The following KCNH5 variants were observed in gnomAD, a reference collection of about 807,000 sequenced individuals.
KCNH5 encodes potassium voltage-gated channel subfamily H member 5.
A neutral mutation model predicts 96.1 loss-of-function variants in KCNH5; 46 were observed. That is an observed-to-expected ratio of 0.48 (90% CI 0.38 to 0.61). KCNH5 has a LOEUF of 0.61. KCNH5 is among the 20% of genes least tolerant of loss of function. KCNH5 has a pLI of 0.00. For synonymous variants in KCNH5, 439 were observed against 449.8 expected (o/e 0.98, Z 0.30); for missense variants, 907 against 1,225.8 (o/e 0.74, Z 3.88).
chr14:62,731,723 A>T (rs1280070391), intron 10 of KCNH5, among the ~76,000 whole-genome samples: 1 of 152,222 alleles, frequency 6.6e-6, no homozygotes, highest in Non-Finnish European at 1.5e-5. Flanking sequence ...TTGCAAATAT[A>T]TTTTTTAAAA....
intron 10 of KCNH5, among the ~76,000 whole-genome samples, chr14:62,731,320 A>C (rs988711586): frequency 9.9e-5 from 15 of 151,610 alleles, no homozygotes; most frequent in African/African-American, 3.4e-4. Context: ...AATAATAATA[A>C]ATTAAAAAAT....
intron 7 of KCNH5, among the ~76,000 whole-genome samples, chr14:62,882,164 A>G (rs565416327): frequency 6.7e-6 from 1 of 149,240 alleles, no homozygotes; most frequent in South Asian, 2.1e-4. Context: ...AGTCTCAGCT[A>G]CTTGGGAAGC....
intron 7 of KCNH5, among the ~76,000 whole-genome samples, chr14:62,902,225 C>CT (rs1888941763): frequency 6.6e-6 from 1 of 151,700 alleles, no homozygotes; most frequent in African/African-American, 2.4e-5. Context: ...CATTAGTTCC[C>CT]ATGTGTCAAT....
At chr14:62,739,415 T>A (rs1595601094) in intron 10 of KCNH5, among the ~76,000 whole-genome samples, 1 of 152,290 alleles carries the variant, frequency 6.6e-6, no homozygotes, top group East Asian at 1.9e-4. Flanking sequence ...CAACCTACAG[T>A]CAAAATGACT....
intron 1 of KCNH5, among the ~76,000 whole-genome samples, chr14:63,042,948 T>C (rs187021342): frequency 6.6e-6 from 1 of 152,254 alleles, no homozygotes; most frequent in African/African-American, 2.4e-5. Flanking sequence ...CCATAGGCGA[T>C]TAGAGGTGGC....
At chr14:62,864,798 C>T (rs370756859) in intron 7 of KCNH5, among the ~76,000 whole-genome samples, 3 of 152,132 alleles carry the variant, frequency 2.0e-5, no homozygotes, top group African/African-American at 7.2e-5. Flanking sequence ...ATTTTTCATG[C>T]TTGTTTGTTT....
intron 9 of KCNH5, among the ~76,000 whole-genome samples, chr14:62,781,120 A>G (rs1229449667): frequency 6.6e-6 from 1 of 152,176 alleles, no homozygotes; most frequent in South Asian, 2.1e-4. Context: ...ACAGAGTACA[A>G]AAGAAATTTT....
chr14:63,020,798 A>G (rs984416666), intron 1 of KCNH5, among the ~76,000 whole-genome samples: 1 of 152,126 alleles, frequency 6.6e-6, no homozygotes, highest in Non-Finnish European at 1.5e-5. Flanking sequence ...AAAATTTTTT[A>G]AAACACACAA....
intron 6 of KCNH5, among the ~76,000 whole-genome samples, chr14:62,959,885 T>C (rs1890174943): frequency 6.6e-6 from 1 of 152,154 alleles, no homozygotes; most frequent in Admixed American, 6.6e-5. Context: ...TTCCTAACTG[T>C]CAAGGCATTT....
At chr14:62,902,508 A>G (rs984563482) in intron 7 of KCNH5, among the ~76,000 whole-genome samples, 8 of 152,166 alleles carry the variant, frequency 5.3e-5, no homozygotes, top group Admixed American at 3.3e-4. Context: ...ATGCTTAGAC[A>G]CTATGACTTA....
chr14:62,708,438 G>T lies in KCNH5; in HGVS notation c.2037C>A (p.Ile679=). 1 of 1,597,480 alleles carries T rather than the reference G, an allele frequency of 6.3e-7. No homozygotes were observed. The highest frequency in any genetic ancestry group is 8.5e-7 in the Non-Finnish European group (1 of 1,173,988). Residue 679 remains isoleucine, a synonymous_variant, in exon 11 of 11, where the codon ATC becomes ATA. Coordinates refer to ENST00000322893, the MANE Select transcript of KCNH5 (RefSeq NM_139318.5). The part of the protein sequence containing the change: ...NLRKRIIFRK[I]SDVKKEEEER... ...CCTCCTCCTCTTTCTTCACATCACT[G>T]ATCTTACGAAAGATGATCTGTGGAA...
In KCNH5 at chr14:62,913,416, C is replaced by T. The variant is rs555203728; in HGVS notation, c.1369+36717G>A. Among the ~76,000 whole-genome samples the T allele has an allele frequency of 6.6e-5, 10 of 152,096 alleles. No individual in the cohort carries two copies. In the South Asian group the frequency reaches 1.2e-3, roughly 19 times the overall value. ...CTAATTTTTGTATTTTTAGTAGAGA[C>T]GGGGTTTTACCATATTGTCCAGGCT... On this transcript the variant is annotated intron_variant, in intron 7 of 10. Coordinates refer to ENST00000322893, the MANE Select transcript of KCNH5 (RefSeq NM_139318.5).
chr14:62,928,149 C>A (rs1188855529), intron 7 of KCNH5, among the ~76,000 whole-genome samples: 4 of 151,970 alleles, frequency 2.6e-5, no homozygotes. Flanking sequence ...ACTAAGCATT[C>A]CTGGACAAGA....
At chr14:62,746,273 A>G (rs866588266) in intron 10 of KCNH5, among the ~76,000 whole-genome samples, 4 of 152,236 alleles carry the variant, frequency 2.6e-5, no homozygotes, top group Admixed American at 1.3e-4. Flanking sequence ...AATACAAGGC[A>G]TGCAAATGTT....
At chr14:62,762,855 T>C (rs1885782468) in intron 10 of KCNH5, among the ~76,000 whole-genome samples, 1 of 152,098 alleles carries the variant, frequency 6.6e-6, no homozygotes, top group Non-Finnish European at 1.5e-5. Context: ...ATCCTAAATA[T>C]ACACATACCC....
intron 6 of KCNH5, among the ~76,000 whole-genome samples, chr14:62,955,451 A>C (rs922721985): frequency 1.3e-5 from 2 of 152,194 alleles, no homozygotes; most frequent in African/African-American, 4.8e-5. Flanking sequence ...ATTCAGAACA[A>C]TCCTATGTGG....
At chr14:63,012,737 T>C (rs1031188263) in intron 2 of KCNH5, among the ~76,000 whole-genome samples, 6 of 151,864 alleles carry the variant, frequency 4.0e-5, no homozygotes, top group African/African-American at 1.2e-4. Flanking sequence ...ACATGATGAA[T>C]AGATCATCAT....
At chr14:62,902,897 T>G (rs2041678240) in intron 7 of KCNH5, among the ~76,000 whole-genome samples, 1 of 151,758 alleles carries the variant, frequency 6.6e-6, no homozygotes, top group Admixed American at 6.6e-5. Flanking sequence ...TTTTTGTATT[T>G]TTAGTAGAGA....
intron 10 of KCNH5, among the ~76,000 whole-genome samples, chr14:62,775,577 C>T: frequency 6.6e-6 from 1 of 152,136 alleles, no homozygotes; most frequent in East Asian, 1.9e-4. Flanking sequence ...AACTATAAAT[C>T]CTGCCTTACT....
Sources: allele counts gnomAD v4.1 joint callset (sites outside exome capture counted in the v4.1 genomes callset), GRCh38; gene constraint gnomAD v4.1.1; transcripts MANE v1.5; gene names NCBI Gene and HGNC (gene_info 2026-07-23, HGNC 2026-07-21).